CFAP44: variants seen among roughly 807,000 people sequenced by gnomAD.
The protein encoded by CFAP44 is cilia and flagella associated protein 44.
A neutral mutation model predicts 216.2 loss-of-function variants in CFAP44; 134 were observed. The ratio of observed to expected loss-of-function variants is 0.62; its 90% CI spans 0.54 to 0.72. The LOEUF (loss-of-function observed/expected upper bound fraction) is 0.72, where lower values mean the gene tolerates loss of function less well. CFAP44 is among the 30% of genes least tolerant of loss of function. The pLI, the probability that CFAP44 is intolerant of heterozygous loss-of-function variation, is 0.00. For missense variants in CFAP44, 2,035 were observed against 2,182.1 expected, an observed-to-expected ratio of 0.93 and a Z score of 1.34; for synonymous variants, 700 against 727.6, an observed-to-expected ratio of 0.96 and a Z score of 0.61.
chr3:113,386,211 G>C (rs868861685), intron 15 of CFAP44, among the ~76,000 whole-genome samples: 11 of 152,054 alleles, frequency 7.2e-5, no homozygotes, highest in Non-Finnish European at 1.5e-4. Flanking sequence ...CATATAAATA[G>C]AGCAATCCCT....
At chr3:113,301,185 T>C (rs1949931460) in intron 32 of CFAP44, among the ~76,000 whole-genome samples, 1 of 152,190 alleles carries the variant, frequency 6.6e-6, no homozygotes, top group Admixed American at 6.5e-5. Context: ...CTATATGCTA[T>C]ATTACGTCTA....
rs116761287 is a variant in CFAP44 at position 113,345,194 on chromosome 3, T to C, written c.3066-482A>G. ...TAGTTTGTGTATGTGTTTTGATGCA[T>C]AGATATACAAATAAATATAAACATG... On this transcript the variant is annotated intron_variant, in intron 22 of 34. Transcript: ENST00000393845. Among the ~76,000 whole-genome samples, 1,496 of 150,214 alleles carry C rather than the reference T, an allele frequency of 1.0e-2. 27 individuals carry two copies. Among genetic ancestry groups the C allele is most frequent in the African/African-American group, 0.035 (1,425 of 41,162 alleles).
intron 19 of CFAP44, 69 bp from the exon 20 acceptor site, chr3:113,363,601 GA>G: frequency 7.4e-7 from 1 of 1,347,052 alleles, no homozygotes. Context: ...TATCTAGGAA[GA>G]AGTAAATTAA....
intron 16 of CFAP44, among the ~76,000 whole-genome samples, chr3:113,380,368 A>C (rs991218808): frequency 5.3e-5 from 8 of 152,100 alleles, no homozygotes; most frequent in African/African-American, 1.9e-4. Flanking sequence ...ACAACTCTGC[A>C]TTCTCTTGGG....
intron 26 of CFAP44, among the ~76,000 whole-genome samples, chr3:113,329,784 C>A (rs1211989746): frequency 6.6e-6 from 1 of 152,116 alleles, no homozygotes; most frequent in African/African-American, 2.4e-5. Flanking sequence ...GCAGAGGGTG[C>A]CCTGTTTCTC....
intron 8 of CFAP44, among the ~76,000 whole-genome samples, chr3:113,405,211 C>T (rs899393021): frequency 6.6e-6 from 1 of 152,126 alleles, no homozygotes; most frequent in African/African-American, 2.4e-5. Context: ...TATTTTTTAA[C>T]AACCCTACCG....
intron 18 of CFAP44, among the ~76,000 whole-genome samples, chr3:113,369,945 T>C (rs895540322): frequency 6.6e-6 from 1 of 152,154 alleles, no homozygotes; most frequent in Non-Finnish European, 1.5e-5. Context: ...GAGAATACTA[T>C]AAACACCTCT....
chr3:113,290,177 C>T lies in CFAP44; in HGVS notation c.*1380G>A, dbSNP rs139413931. The T allele has an allele frequency of 6.6e-6, 1 of 151,950 alleles. No individual in the cohort carries two copies. Among genetic ancestry groups the T allele is most frequent in the Non-Finnish European group, 1.5e-5 (1 of 67,966 alleles). The allele number at this position is 151,950 out of a possible 1,614,324, so 9.4% of individuals were successfully genotyped here. On this transcript the variant is annotated 3_prime_UTR_variant, in exon 35 of 35. Coordinates refer to ENST00000393845, the MANE Select transcript of CFAP44 (RefSeq NM_001164496.2). Reference sequence around the variant, plus strand: ...CACACATGGCTTAGGATATACAACACAGAAAGTGATTTAAAAAAAAAAGTG... The same window carrying T: ...CACACATGGCTTAGGATATACAACATAGAAAGTGATTTAAAAAAAAAAGTG...
intron 28 of CFAP44, among the ~76,000 whole-genome samples, chr3:113,319,829 CA>C (rs1247018692): frequency 4.0e-5 from 6 of 151,276 alleles, no homozygotes; most frequent in Admixed American, 2.6e-4. Flanking sequence ...GTTAGATTAA[CA>C]AAGAAAAGAA....
intron 19 of CFAP44, among the ~76,000 whole-genome samples, chr3:113,364,314 G>A (rs1950568615): frequency 1.3e-5 from 2 of 151,982 alleles, no homozygotes; most frequent in South Asian, 4.1e-4. Flanking sequence ...ATAGGTCTCT[G>A]TTTTGCTGTC....
At position 113,403,788 on chromosome 3, in the gene CFAP44, A is replaced by C; in HGVS notation, c.1170+64T>G. The C allele has an allele frequency of 2.0e-6, 3 of 1,506,398 alleles. No homozygotes were observed. In the Admixed American group the frequency reaches 6.0e-5, roughly 30 times the overall value. The allele number at this position is 1,506,398 out of a possible 1,614,324, so 93.3% of individuals were successfully genotyped here. ...CAAAATAACCTTTATGAGAAATAAAACCCTTTGGGTGAGCTACAAGTCTTA... is the reference window on the plus strand; with the variant it reads ...CAAAATAACCTTTATGAGAAATAAACCCCTTTGGGTGAGCTACAAGTCTTA... On this transcript the variant is annotated intron_variant, in intron 9 of 34. Coordinates refer to ENST00000393845, the MANE Select transcript of CFAP44 (RefSeq NM_001164496.2).
chr3:113,362,030 C>T (rs1187993168), intron 21 of CFAP44, among the ~76,000 whole-genome samples: 1 of 151,614 alleles, frequency 6.6e-6, no homozygotes, highest in Non-Finnish European at 1.5e-5. Context: ...ATAACTGCCA[C>T]CAGAGCTGCT....
intron 25 of CFAP44, among the ~76,000 whole-genome samples, chr3:113,332,297 C>T (rs1950247275): frequency 6.6e-6 from 1 of 152,046 alleles, no homozygotes; most frequent in African/African-American, 2.4e-5. Context: ...CCAAATTGTC[C>T]ATTTTGATGA....
chr3:113,341,738 A>C lies in CFAP44; in HGVS notation c.3437+6T>G, dbSNP rs764297844. The C allele has an allele frequency of 4.8e-5, 71 of 1,466,946 alleles. No homozygotes were observed. The highest frequency in any genetic ancestry group is 3.7e-4 in the Middle Eastern group (2 of 5,408). 90.9% of individuals were successfully genotyped at this position (1,466,946 alleles called of 1,614,324 possible). On this transcript the variant is annotated splice_donor_region_variant and intron_variant, in intron 24 of 34. Transcript: ENST00000393845. The stretch of plus-strand genomic sequence containing the variant: ...AAGATAAGAGTTTAGGTAAAAAAAA[A>C]CTCACAGTTCCTCCCATTCTTTTTT...
intron 15 of CFAP44, among the ~76,000 whole-genome samples, chr3:113,389,002 A>T (rs1250697714): frequency 1.3e-5 from 2 of 152,216 alleles, no homozygotes; most frequent in Admixed American, 6.5e-5. Flanking sequence ...CATTGGACTT[A>T]ATCTGCACTA....
intron 22 of CFAP44, among the ~76,000 whole-genome samples, chr3:113,346,866 T>C (rs1288144903): frequency 6.6e-6 from 1 of 152,054 alleles, no homozygotes; most frequent in African/African-American, 2.4e-5. Context: ...GAAGCTTTGT[T>C]TTTTTGCTCT....
intron 22 of CFAP44, among the ~76,000 whole-genome samples, chr3:113,346,627 A>G (rs1234084553): frequency 1.4e-4 from 19 of 140,446 alleles, no homozygotes; most frequent in Middle Eastern, 4.2e-3. Context: ...CTGTAAAAAC[A>G]CACCAATCAG....
rs1431257097 is a variant in CFAP44, at chr3:113,406,985, C to T, written c.947G>A (p.Arg316Gln). The change falls in exon 8 of 35, where the codon CGA becomes CAA. Residue 316 changes from arginine (R) to glutamine (Q), a missense_variant. Arg to Gln is a conservative substitution (Grantham distance 43, BLOSUM62 1). Coordinates refer to ENST00000393845, the MANE Select transcript of CFAP44 (RefSeq NM_001164496.2). ...TGLKLQGSLG[R>Q]FGKTITTDIE... ...ATCAGTAGTGATTGTTTTGCCAAAT[C>T]GACCTAGTGATCCCTGCAGCTTGAG... 3.7e-6 allele frequency: 6 copies of T among 1,613,978 alleles called. No individual in the cohort carries two copies. Among genetic ancestry groups the T allele is most frequent in the Non-Finnish European group, 4.2e-6 (5 of 1,180,006 alleles).
At chr3:113,390,176 G>GCA (rs1933758108) in intron 15 of CFAP44, among the ~76,000 whole-genome samples, 1 of 152,168 alleles carries the variant, frequency 6.6e-6, no homozygotes, top group Non-Finnish European at 1.5e-5. Context: ...TCCCAGGGAT[G>GCA]CAAGGATGGT....
Sources: gnomAD v4.1 joint callset for allele counts (sites outside exome capture counted in the v4.1 genomes callset) on GRCh38, gnomAD v4.1.1 for gene constraint, MANE v1.5 for transcripts, NCBI Gene and HGNC (gene_info 2026-07-23, HGNC 2026-07-21) for gene names.